STARD13: variants seen among roughly 807,000 people sequenced by gnomAD.
STARD13 encodes the protein stAR-related lipid transfer protein 13.
Under a neutral mutation model 106.4 loss-of-function variants are expected in STARD13, and 62 were observed. The observed-to-expected ratio is 0.58, with a 90% CI of 0.48 to 0.72. STARD13 has a LOEUF of 0.72. Among genes scored for constraint, STARD13 ranks in the 30% least tolerant of loss-of-function variants. The pLI is 0.00. For synonymous variants in STARD13, 565 were observed against 553.0 expected, an observed-to-expected ratio of 1.02 and a Z score of -0.31; for missense variants, 1,387 against 1,424.0, an observed-to-expected ratio of 0.97 and a Z score of 0.42.
chr13:33,299,416 A>T (rs1892626440), intron 1 of STARD13, among the ~76,000 whole-genome samples: 1 of 152,238 alleles, frequency 6.6e-6, no homozygotes, highest in South Asian at 2.1e-4. Flanking sequence ...TTCCTAAGAA[A>T]TTACTCAGAA....
At chr13:33,501,843 A>T in the STARD13 span, among the ~76,000 whole-genome samples, 1 of 151,480 alleles carries the variant, frequency 6.6e-6, no homozygotes, top group Non-Finnish European at 1.5e-5. Context: ...TTGGCTTAGG[A>T]TTGTCATGGC....
the STARD13 span, among the ~76,000 whole-genome samples, chr13:33,621,991 G>C: frequency 6.6e-6 from 1 of 151,642 alleles, no homozygotes; most frequent in African/African-American, 2.4e-5. Context: ...TTTTAGTAGA[G>C]AAGGGGTTTC....
the STARD13 span, among the ~76,000 whole-genome samples, chr13:33,651,273 C>T: frequency 5.9e-5 from 9 of 152,152 alleles, 1 homozygote; most frequent in South Asian, 1.7e-3. Flanking sequence ...GTTATTGTCT[C>T]GAATTATTCC....
At chr13:33,333,452 C>T (rs768604796) in intron 1 of STARD13, among the ~76,000 whole-genome samples, 1 of 152,136 alleles carries the variant, frequency 6.6e-6, no homozygotes, top group Non-Finnish European at 1.5e-5. Context: ...CTCCAACATG[C>T]AATAACAACA....
the STARD13 span, among the ~76,000 whole-genome samples, chr13:33,425,435 CT>C: frequency 6.6e-6 from 1 of 152,208 alleles, no homozygotes; most frequent in Non-Finnish European, 1.5e-5. Context: ...GGCCAGGGTG[CT>C]CTTTCTCTCT....
chr13:33,539,650 C>T, the STARD13 span, among the ~76,000 whole-genome samples: 1 of 152,124 alleles, frequency 6.6e-6, no homozygotes, highest in Non-Finnish European at 1.5e-5. Flanking sequence ...CGAATGCTAC[C>T]AGAATAACAG....
Position 33,129,791 on chromosome 13 carries a change from C to A in STARD13, c.886G>T (p.Glu296Ter). 1 of 1,613,856 alleles carries A rather than the reference C, an allele frequency of 6.2e-7. No homozygotes were observed. Among genetic ancestry groups the A allele is most frequent in the Non-Finnish European group, 8.5e-7 (1 of 1,180,032 alleles). The change falls in exon 5 of 14, where the codon GAG (glutamate) becomes TAG (stop). Residue 296 changes from glutamate (E) to a stop codon, truncating the protein, a stop_gained. Transcript: ENST00000336934. LOFTEE classifies it high-confidence loss of function. ...ISGPMLQQEP[E>*]SFKAMQCIQI... ...ATGCACTGCATAGCCTTAAAGGACT[C>A]TGGCTCCTGCTGCAACATGGGCCCA...
chr13:33,396,823 A>C, the STARD13 span, among the ~76,000 whole-genome samples: 1 of 152,236 alleles, frequency 6.6e-6, no homozygotes, highest in East Asian at 1.9e-4. Flanking sequence ...AGGAGGTAGC[A>C]CAGAAACAGG....
intron 4 of STARD13, 52 bp downstream of exon 4, chr13:33,142,258 C>T (rs571479476): frequency 1.4e-6 from 2 of 1,388,358 alleles, no homozygotes; most frequent in African/African-American, 2.8e-5. Flanking sequence ...TGATCTCAAA[C>T]TCCTGGCATT....
At chr13:33,556,468 A>C in the STARD13 span, among the ~76,000 whole-genome samples, 1 of 151,830 alleles carries the variant, frequency 6.6e-6, no homozygotes, top group African/African-American at 2.4e-5. Flanking sequence ...TTTTGTAGAG[A>C]TGGGGGTCTC....
intron 1 of STARD13, among the ~76,000 whole-genome samples, chr13:33,260,579 C>G (rs1379481196): frequency 6.6e-6 from 1 of 152,190 alleles, no homozygotes; most frequent in African/African-American, 2.4e-5. Flanking sequence ...AAGACAGAGC[C>G]TGGACACTGT....
At chr13:33,562,611 T>C in the STARD13 span, among the ~76,000 whole-genome samples, 531 of 147,022 alleles carry the variant, frequency 3.6e-3, 47 homozygotes, top group East Asian at 0.01. Context: ...TCCTGTCTTA[T>C]TCATCTTCAT....
the STARD13 span, among the ~76,000 whole-genome samples, chr13:33,430,877 G>T: frequency 1.3e-5 from 2 of 152,118 alleles, no homozygotes; most frequent in African/African-American, 4.8e-5. Flanking sequence ...ATCTTATGAA[G>T]ACAGAATAGA....
At chr13:33,566,426 T>C in the STARD13 span, among the ~76,000 whole-genome samples, 1 of 148,022 alleles carries the variant, frequency 6.8e-6, no homozygotes, top group African/African-American at 2.5e-5. Context: ...TATCTCTGCA[T>C]GATCTCTAAC....
chr13:33,549,376 G>T, the STARD13 span, among the ~76,000 whole-genome samples: 1 of 152,024 alleles, frequency 6.6e-6, no homozygotes, highest in Non-Finnish European at 1.5e-5. Flanking sequence ...ATCCCAGGAT[G>T]ATATCATCAT....
the STARD13 span, among the ~76,000 whole-genome samples, chr13:33,398,648 A>T: frequency 6.6e-6 from 1 of 152,258 alleles, no homozygotes; most frequent in Non-Finnish European, 1.5e-5. Flanking sequence ...ATGTGAACAG[A>T]CACTTCAAAA....
the STARD13 span, among the ~76,000 whole-genome samples, chr13:33,415,761 A>G: frequency 6.6e-6 from 1 of 152,210 alleles, no homozygotes. Flanking sequence ...TGGATTTGCA[A>G]CTAAAACATC....
At chr13:33,539,232 T>G in the STARD13 span, among the ~76,000 whole-genome samples, 1 of 152,318 alleles carries the variant, frequency 6.6e-6, no homozygotes, top group Middle Eastern at 3.4e-3. Context: ...AATACCTGTA[T>G]GCTGAAAATT....
At chr13:33,455,956 A>C in the STARD13 span, among the ~76,000 whole-genome samples, 1 of 152,136 alleles carries the variant, frequency 6.6e-6, no homozygotes, top group African/African-American at 2.4e-5. Context: ...AAAATAAATA[A>C]ATTAAATAAA....
Sources: allele counts gnomAD v4.1 joint callset (sites outside exome capture counted in the v4.1 genomes callset), GRCh38; gene constraint gnomAD v4.1.1; transcripts MANE v1.5; gene names NCBI Gene and HGNC (gene_info 2026-07-23, HGNC 2026-07-21).